PLK3: variants seen among roughly 807,000 people sequenced by gnomAD.
PLK3 encodes serine/threonine-protein kinase PLK3.
In PLK3, 41 loss-of-function variants were observed where a neutral mutation model predicts 71.6. The observed-to-expected ratio is 0.57, with a 90% CI of 0.45 to 0.74. The LOEUF is 0.74. Among genes scored for constraint, PLK3 ranks in the 30% least tolerant of loss-of-function variants. PLK3 has a pLI of 0.00. For synonymous variants in PLK3, 366 were observed against 355.4 expected, an observed-to-expected ratio of 1.03 and a Z score of -0.33; for missense variants, 791 against 875.6, an observed-to-expected ratio of 0.90 and a Z score of 1.22.
chr1:44,805,105 CA>C (rs754743272), intron 13 of PLK3, 160 bp from the exon 14 acceptor site: 33,313 of 398,082 alleles, frequency 0.084, no homozygotes, highest in South Asian at 0.13. Context: ...GACTCCATCT[CA>C]AAAAAAAAAA....
In PLK3 at chr1:44,801,644, C is replaced by T; in HGVS notation, c.458C>T (p.Ala153Val). The T allele has an allele frequency of 1.2e-6, 2 of 1,613,504 alleles. No individual in the cohort carries two copies. The highest frequency in any genetic ancestry group is 1.7e-6 in the Non-Finnish European group (2 of 1,179,856). Residue 153 changes from alanine (A) to valine (V), a missense_variant, in exon 4 of 15, where the codon GCC (alanine) becomes GTC (valine). Coordinates refer to ENST00000372201, the MANE Select transcript of PLK3 (RefSeq NM_004073.4). Reference sequence around the variant, plus strand: ...CAGTCCCTGGCCCACATCTGGAAGGCCCGGCACACCCTGTTGGAGCCAGAA... The same window carrying T: ...CAGTCCCTGGCCCACATCTGGAAGGTCCGGCACACCCTGTTGGAGCCAGAA... The part of the protein sequence containing the change: ...SRKSLAHIWK[A>V]RHTLLEPEVR...
At position 44,801,203 on chromosome 1, in the gene PLK3, C is replaced by CTTTTT. The variant is rs34463102; in HGVS notation, c.435+71_435+75dup. The CTTTTT allele has an allele frequency of 4.3e-4, 149 of 345,076 alleles. 1 individual carries two copies. The highest frequency in any genetic ancestry group is 5.7e-4 in the Admixed American group (11 of 19,196). The allele number at this position is 345,076 out of a possible 1,614,324, so 21.4% of individuals were successfully genotyped here. A position where few individuals can be genotyped will look rare whatever the true frequency, so the allele number is the denominator to read the frequency against. On this transcript the variant is annotated intron_variant, in intron 3 of 14. Coordinates refer to ENST00000372201, the MANE Select transcript of PLK3 (RefSeq NM_004073.4). ...ATGAGAGTGAGGGAGAGAAGACAGT[C>CTTTTT]TTTTTTTTTTTTTTTTTTTTTTTTG...
In PLK3 at chr1:44,805,601, C is replaced by G. The variant is rs11549457; in HGVS notation, c.1864C>G (p.Gln622Glu). Residue 622 changes from glutamine to glutamate, a missense_variant, in exon 15 of 15, where the codon CAG becomes GAG. Transcript: ENST00000372201. ...TACTTACCTCGCTTCCCACCTTCGGCAGCTGGGCTGCTCTCCAGACCTGCG... is the reference window on the plus strand; with the variant it reads ...TACTTACCTCGCTTCCCACCTTCGGGAGCTGGGCTGCTCTCCAGACCTGCG... ...ACTYLASHLR[Q>E]LGCSPDLRQR... 1 of 1,614,194 alleles carries G rather than the reference C, an allele frequency of 6.2e-7. No individual in the cohort carries two copies. The highest frequency in any genetic ancestry group is 1.3e-5 in the African/African-American group (1 of 75,076).
At position 44,804,380 on chromosome 1, in the gene PLK3, G is replaced by T; in HGVS notation, c.1384G>T (p.Val462Leu). The T allele has an allele frequency of 6.2e-7, 1 of 1,614,204 alleles. No individual in the cohort carries two copies. Among genetic ancestry groups the T allele is most frequent in the Non-Finnish European group, 8.5e-7 (1 of 1,180,036 alleles). The part of the protein sequence containing the change: ...PAPLAQPEPL[V>L]WVSKWVDYSN... ...CCCCCTGGCCCAGCCAGAGCCTCTG[G>T]TGTGGGTCAGCAAGTGGGTTGACTA... The change falls in exon 12 of 15, where the codon GTG becomes TTG. Residue 462 changes from valine to leucine, a missense_variant. Physicochemically the swap from Val to Leu is conservative, Grantham distance 32. Coordinates refer to ENST00000372201, the MANE Select transcript of PLK3 (RefSeq NM_004073.4).
intron 3 of PLK3, 56 bp from the exon 4 acceptor site, chr1:44,801,566 T>C (rs887667317): frequency 3.4e-6 from 5 of 1,488,698 alleles, no homozygotes; most frequent in Admixed American, 1.7e-5. Context: ...GGAGCACAGA[T>C]GGAGGGGGAG....
chr1:44,801,563 A>G, intron 3 of PLK3, 59 bp from the exon 4 acceptor site: 1 of 1,506,122 alleles, frequency 6.6e-7, no homozygotes, highest in Admixed American at 1.7e-5. Context: ...CAGGGAGCAC[A>G]GATGGAGGGG....
rs533084576 is a variant in PLK3, at chr1:44,801,172, G to T, written c.435+20G>T. ...CGAAAGGTGAAAGATGGTGATTCCC[G>T]CAGGGATGAGAGTGAGGGAGAGAAG... On this transcript the variant is annotated intron_variant, in intron 3 of 14. Transcript: ENST00000372201. 1 of 1,109,490 alleles carries T rather than the reference G, an allele frequency of 9.0e-7. No homozygotes were observed. The highest frequency in any genetic ancestry group is 1.5e-5 in the African/African-American group (1 of 65,176). The allele number at this position is 1,109,490 out of a possible 1,614,324, so 68.7% of individuals were successfully genotyped here. A position where few individuals can be genotyped will look rare whatever the true frequency, so the allele number is the denominator to read the frequency against.
rs1208703506 is a variant in PLK3 at position 44,803,586 on chromosome 1, C to T, written c.1073-14C>T. 1.2e-6 allele frequency: 2 copies of T among 1,611,266 alleles called. No homozygotes were observed. The highest frequency in any genetic ancestry group is 2.2e-5 in the East Asian group (1 of 44,844). On this transcript the variant is annotated splice_polypyrimidine_tract_variant and intron_variant, in intron 8 of 14. Transcript: ENST00000372201. This position sits in a 1 kb window ranked among gnomAD's most constrained non-coding sequence, Gnocchi z 4.3. ...GGGCAGGATACTGAGGACGGTATCA[C>T]CTTTCACCCCCAGGTAAGAATCATG...
At position 44,805,743 on chromosome 1, in the gene PLK3, C is replaced by A; in HGVS notation, c.*65C>A. 1.3e-6 allele frequency: 2 copies of A among 1,521,930 alleles called. No homozygotes were observed. 94.3% of individuals were successfully genotyped at this position (1,521,930 alleles called of 1,614,324 possible). On this transcript the variant is annotated 3_prime_UTR_variant, in exon 15 of 15. Coordinates refer to ENST00000372201, the MANE Select transcript of PLK3 (RefSeq NM_004073.4). ...TCTGGCCCTTGCCTTTGTGGCCTTC[C>A]CCCTTCCTTTGGTGCCTCACTGGGG... is the stretch of plus-strand genomic sequence containing the variant.
In PLK3 at chr1:44,804,729, C is replaced by G. The variant is rs760663194; in HGVS notation, c.1585C>G (p.Leu529Val). The change falls in exon 13 of 15, where the codon CTG becomes GTG. Residue 529 changes from leucine (L) to valine (V), a missense_variant. By Grantham distance (32) the Leu-to-Val change is conservative. Transcript: ENST00000372201. ...TGTGCCCCGGGCCCTGCAGCCTCAG[C>G]TGGGTATCCTGCGGTACTTCGCCTC... Reference protein sequence around the residue: ...GAVPRALQPQLGILRYFASYM... With the variant: ...GAVPRALQPQVGILRYFASYM... The G allele has an allele frequency of 1.2e-6, 2 of 1,614,104 alleles. No individual in the cohort carries two copies. The highest frequency in any genetic ancestry group is 1.7e-6 in the Non-Finnish European group (2 of 1,179,946).
chr1:44,805,720 T>A lies in PLK3; in HGVS notation c.*42T>A. 6.3e-7 allele frequency: 1 copy of A among 1,580,446 alleles called. No homozygotes were observed. Among genetic ancestry groups the A allele is most frequent in the Non-Finnish European group, 8.6e-7 (1 of 1,158,214 alleles). On this transcript the variant is annotated 3_prime_UTR_variant, in exon 15 of 15. Coordinates refer to ENST00000372201, the MANE Select transcript of PLK3 (RefSeq NM_004073.4). ...CCTGAGGCCTGTGCCTGTCAGGCTC[T>A]GGCCCTTGCCTTTGTGGCCTTCCCC...
chr1:44,800,772 A>G lies in PLK3; in HGVS notation c.211-68A>G. 1 of 1,548,060 alleles carries G rather than the reference A, an allele frequency of 6.5e-7. No individual in the cohort carries two copies. The highest frequency in any genetic ancestry group is 8.7e-7 in the Non-Finnish European group (1 of 1,146,770). On this transcript the variant is annotated intron_variant, in intron 1 of 14. Coordinates refer to ENST00000372201, the MANE Select transcript of PLK3 (RefSeq NM_004073.4). The surrounding 1 kb of genome is among the most constrained non-coding windows in gnomAD (Gnocchi z 6.5). ...GCAGGGCGTGGGCACTTGACCCCCA[A>G]CGCGGGGACGCCCGCGGGCCAGACT... is the stretch of plus-strand genomic sequence containing the variant.
Position 44,800,493 on chromosome 1 carries a change from G to A in PLK3, c.30G>A (p.Pro10=). The stretch of plus-strand genomic sequence containing the variant: ...AGCCTGCCGCCGGTTTCCTGTCTCC[G>A]CGCCCCTTCCAGCGTGCGGCCGCCG... MEPAAGFLS[P]RPFQRAAAAP... The change falls in exon 1 of 15, where the codon CCG becomes CCA. Residue 10 remains proline (P), a synonymous_variant. Transcript: ENST00000372201. This position sits in a 1 kb window ranked among gnomAD's most constrained non-coding sequence, Gnocchi z 6.5. The A allele has an allele frequency of 6.9e-7, 1 of 1,445,676 alleles. No individual in the cohort carries two copies. The highest frequency in any genetic ancestry group is 1.4e-5 in the South Asian group (1 of 73,850). The allele number at this position is 1,445,676 out of a possible 1,614,324, so 89.6% of individuals were successfully genotyped here.
chr1:44,803,708 GA>G lies in PLK3; in HGVS notation c.1164+18del. 1 of 1,576,134 alleles carries G rather than the reference GA, an allele frequency of 6.3e-7. No individual in the cohort carries two copies. Among genetic ancestry groups the G allele is most frequent in the South Asian group, 1.1e-5 (1 of 89,214 alleles). On this transcript the variant is annotated intron_variant, in intron 9 of 14. Coordinates refer to ENST00000372201, the MANE Select transcript of PLK3 (RefSeq NM_004073.4). The surrounding 1 kb of genome is among the most constrained non-coding windows in gnomAD (Gnocchi z 4.3). ...AGGCCAGAGGTGAGGCGCTCAGGTG[GA>G]CACTGTTCCCCTGACTCACCCCCAC...
At position 44,803,145 on chromosome 1, in the gene PLK3, T is replaced by A. The variant is rs569229740; in HGVS notation, c.940T>A (p.Phe314Ile). 6.2e-7 allele frequency: 1 copy of A among 1,613,814 alleles called. No homozygotes were observed. The highest frequency in any genetic ancestry group is 1.1e-5 in the South Asian group (1 of 91,078). Residue 314 changes from phenylalanine (F) to isoleucine (I), a missense_variant, in exon 7 of 15, where the codon TTT becomes ATT. Physicochemically the swap from Phe to Ile is conservative, Grantham distance 21 (BLOSUM62 0). Coordinates refer to ENST00000372201, the MANE Select transcript of PLK3 (RefSeq NM_004073.4). The surrounding 1 kb of genome is among the most constrained non-coding windows in gnomAD (Gnocchi z 4.3). ...TGACCAGATCCTGCGCCATGACTTC[T>A]TTACCAAGGTCTGTGGCTCCCCAGA... ...SIDQILRHDF[F>I]TKGYTPDRLP... is the part of the protein sequence containing the mutation.
chr1:44,804,582 G>A lies in PLK3; in HGVS notation c.1506-68G>A, dbSNP rs1651946584. ...CCCTCGTGAGTGCTCCTGGGCTCAG[G>A]GGTCTGGGTTTCTCAGAGGAGGGGC... On this transcript the variant is annotated intron_variant, in intron 12 of 14. Transcript: ENST00000372201. The A allele has an allele frequency of 5.0e-6, 8 of 1,604,132 alleles. No individual in the cohort carries two copies. In the Admixed American group the frequency reaches 1.3e-4, roughly 27 times the overall value.
In PLK3 at chr1:44,801,880, G is replaced by A. The variant is rs1217560949; in HGVS notation, c.601G>A (p.Val201Met). Residue 201 changes from valine to methionine, a missense_variant, in exon 5 of 15, where the codon GTG becomes ATG. By Grantham distance (21) the Val-to-Met change is conservative. Transcript: ENST00000372201. Reference sequence around the variant, plus strand: ...CATCACTGAGAACATGGAACTGAAGGTGGGGGATTTTGGGCTGGCAGCCCG... The same window carrying A: ...CATCACTGAGAACATGGAACTGAAGATGGGGGATTTTGGGCTGGCAGCCCG... ...FFITENMELK[V>M]GDFGLAARLE... 4.3e-6 allele frequency: 7 copies of A among 1,613,888 alleles called. No homozygotes were observed. In the African/African-American group the frequency reaches 8.0e-5, roughly 18 times the overall value.
intron 10 of PLK3, 29 bp downstream of exon 10, chr1:44,804,053 T>C (rs181926489): frequency 2.6e-6 from 4 of 1,544,216 alleles, no homozygotes; most frequent in African/African-American, 2.7e-5. Flanking sequence ...TGAGAGGTGA[T>C]AGAGGTTGCT....
rs17881427 is a variant in PLK3, at chr1:44,804,843, C to T, written c.1635+64C>T. On this transcript the variant is annotated intron_variant, in intron 13 of 14. Transcript: ENST00000372201. ...CATCCTGGCCGGGTGCGGTGGCTCA[C>T]GCCTGTAATCCCAGCACTTTGGGAG... 724 of 1,533,634 alleles carry T rather than the reference C, an allele frequency of 4.7e-4. 7 individuals carry two copies. In the South Asian group the frequency reaches 6.1e-3, roughly 13 times the overall value.
Sources: allele counts gnomAD v4.1 joint callset, GRCh38; gene constraint gnomAD v4.1.1; non-coding constraint Gnocchi (gnomAD v3.1); transcripts MANE v1.5; gene names NCBI Gene and HGNC (gene_info 2026-07-23, HGNC 2026-07-21).